ARHGAP27: variants seen among roughly 807,000 people sequenced by gnomAD.
ARHGAP27 encodes the protein Rho GTPase activating protein 27.
Under a neutral mutation model 102.0 loss-of-function variants are expected in ARHGAP27, and 53 were observed. The observed-to-expected ratio is 0.52, with a 90% CI of 0.42 to 0.65. The LOEUF is 0.65. ARHGAP27 is among the 30% of genes least tolerant of loss of function. The pLI is 0.00. For missense variants in ARHGAP27, 1,117 were observed against 1,256.2 expected (o/e 0.89, Z 1.68); for synonymous variants, 525 against 542.8 (o/e 0.97, Z 0.46).
intron 2 of ARHGAP27, among the ~76,000 whole-genome samples, 196 bp from the exon 3 acceptor site, chr17:45,431,948 C>T (rs1174491887): frequency 1.3e-5 from 2 of 152,122 alleles, no homozygotes; most frequent in Non-Finnish European, 1.5e-5. Context: ...ACTGGCAGGT[C>T]GCGAGCGGAG....
rs73307520 is a variant in ARHGAP27, at chr17:45,431,671, C to A, written c.-69G>T. The A allele has an allele frequency of 0.031, 5,475 of 175,012 alleles. 340 individuals carry two copies. Among genetic ancestry groups the A allele is most frequent in the African/African-American group, 0.13 (5,234 of 41,666 alleles). 10.8% of individuals were successfully genotyped at this position (175,012 alleles called of 1,614,324 possible). ...CCATGGGCTGGGTGGGCGGAGCCGG[C>A]GGTGGCTGCAGGTTAGGCCCCTACC... On this transcript the variant is annotated 5_prime_UTR_variant, in exon 3 of 20. Transcript: ENST00000685559.
Position 45,395,258 on chromosome 17 carries a change from T to G in ARHGAP27, c.*198A>C. On this transcript the variant is annotated 3_prime_UTR_variant, in exon 20 of 20. Transcript: ENST00000685559. ...CGGGAAGGGAAGGGGGGATGGGGAG[T>G]TGGGAAGAAGGAATCACATTTTGCA... 3 of 621,504 alleles carry G rather than the reference T, an allele frequency of 4.8e-6. No individual in the cohort carries two copies. The highest frequency in any genetic ancestry group is 2.2e-5 in the South Asian group (1 of 44,496). 38.5% of individuals were successfully genotyped at this position (621,504 alleles called of 1,614,324 possible).
intron 4 of ARHGAP27, among the ~76,000 whole-genome samples, chr17:45,406,977 A>G (rs1170436614): frequency 3.9e-5 from 6 of 152,298 alleles, no homozygotes; most frequent in Middle Eastern, 3.4e-3. Flanking sequence ...ACTCCACCCC[A>G]AAGGAGAGTG....
In ARHGAP27 at chr17:45,415,308, G is replaced by C. The variant is rs1382068755; in HGVS notation, c.658-9225C>G. Among the ~76,000 whole-genome samples, 4 of 152,018 alleles carry C rather than the reference G, an allele frequency of 2.6e-5. No individual in the cohort carries two copies. In the East Asian group the frequency reaches 5.8e-4, roughly 22 times the overall value. On this transcript the variant is annotated intron_variant, in intron 4 of 19. Transcript: ENST00000685559. ...TCCTTCTTGGGCTTCCTCAGGCCAG[G>C]CCTCCTAGTTTTCCTTCTTTTTCTT...
At chr17:45,396,428 T>A in intron 16 of ARHGAP27, 59 bp downstream of exon 16, 1 of 1,476,358 alleles carries the variant, frequency 6.8e-7, no homozygotes, top group Non-Finnish European at 9.0e-7. Context: ...CCTGCGGTCC[T>A]GGCAGGAGGC....
intron 4 of ARHGAP27, among the ~76,000 whole-genome samples, chr17:45,418,849 G>A (rs539515169): frequency 2.5e-4 from 38 of 152,294 alleles, no homozygotes; most frequent in African/African-American, 8.9e-4. Flanking sequence ...GGCCAAACAG[G>A]TGGGCCAGGT....
Position 45,394,723 on chromosome 17 carries a change from C to A in ARHGAP27, c.*733G>T. ...CACTGCTGCTGCAGGCCTCAGCGTC[C>A]TTGTCTGTAAAATGGGATGGTGTGT... is the stretch of plus-strand genomic sequence containing the variant. On this transcript the variant is annotated 3_prime_UTR_variant, in exon 20 of 20. Transcript: ENST00000685559. 6.6e-6 allele frequency: 1 copy of A among 152,454 alleles called. No individual in the cohort carries two copies. Among genetic ancestry groups the A allele is most frequent in the Non-Finnish European group, 1.5e-5 (1 of 68,120 alleles). 9.4% of individuals were successfully genotyped at this position (152,454 alleles called of 1,614,324 possible).
intron 4 of ARHGAP27, among the ~76,000 whole-genome samples, chr17:45,423,853 TAAATG>T (rs1439630185): frequency 3.9e-5 from 6 of 152,266 alleles, no homozygotes; most frequent in Admixed American, 2.6e-4. Context: ...GAAGGCAGAA[TAAATG>T]GGAAGAAACC....
Position 45,404,669 on chromosome 17 carries a change from C to G in ARHGAP27, c.1261G>C (p.Glu421Gln). 6.2e-7 allele frequency: 1 copy of G among 1,611,500 alleles called. No homozygotes were observed. Residue 421 changes from glutamate (E) to glutamine (Q), a missense_variant, in exon 7 of 20, where the codon GAG becomes CAG. Physicochemically the swap from Glu to Gln is conservative, Grantham distance 29 (BLOSUM62 2). Around this residue, in one of 3 missense-constraint regions of ARHGAP27, gnomAD observed 610 missense variants for 716.4 expected, o/e 0.85. Transcript: ENST00000685559. ...AAGTATGGCTTCCCGTGGGGGTCCT[C>G]CAGCCTCACCCACTGTGGGGAGAGG... Reference protein sequence around the residue: ...HFTQEQWVRLEDPHGKPYFYN... With the variant: ...HFTQEQWVRLQDPHGKPYFYN...
intron 12 of ARHGAP27, among the ~76,000 whole-genome samples, chr17:45,402,076 T>C (rs2046503097): frequency 6.6e-6 from 1 of 152,192 alleles, no homozygotes; most frequent in Non-Finnish European, 1.5e-5. Context: ...GGGTCTTCTC[T>C]CCCTTCCTGC....
rs1250233863 is a variant in ARHGAP27 at position 45,430,201 on chromosome 17, C to G, written c.79G>C (p.Val27Leu). ...FEYTGKDGRRVAIRPNERYRL... is the reference protein window; with the variant it reads ...FEYTGKDGRRLAIRPNERYRL... ...TAGCGCTCATTCGGCCGGATGGCCA[C>G]GCGGCGCCCGTCCTTGCCGGTGTAC... The change falls in exon 4 of 20, where the codon GTG becomes CTG. Residue 27 changes from valine to leucine, a missense_variant. Coordinates refer to ENST00000685559, the MANE Select transcript of ARHGAP27 (RefSeq NM_001282290.2). This position sits in a 1 kb window ranked among gnomAD's most constrained non-coding sequence, Gnocchi z 4.4. The G allele has an allele frequency of 5.2e-6, 8 of 1,552,718 alleles. No individual in the cohort carries two copies. The highest frequency in any genetic ancestry group is 1.8e-4 in the Middle Eastern group (1 of 5,688).
At chr17:45,407,537 T>C (rs1808189) in intron 4 of ARHGAP27, 25,749 of 148,186 alleles carry the variant, frequency 0.17, 2,600 homozygotes, top group African/African-American at 0.23. Context: ...TTTTTTGAGA[T>C]GGAGTCTCGC....
chr17:45,425,716 G>A, intron 4 of ARHGAP27: 1 of 922,204 alleles, frequency 1.1e-6, no homozygotes, highest in Non-Finnish European at 1.3e-6. Context: ...CCAGCAGCAG[G>A]GGCGGGCTCC....
At chr17:45,396,830 C>A (rs773816294) in intron 14 of ARHGAP27, 40 bp from the exon 15 acceptor site, 1 of 1,606,816 alleles carries the variant, frequency 6.2e-7, no homozygotes, top group Admixed American at 1.7e-5. Flanking sequence ...GGAGGCAGCG[C>A]CAGGGCAGGC....
chr17:45,398,904 C>A (rs1460707264), intron 12 of ARHGAP27, among the ~76,000 whole-genome samples: 1 of 152,124 alleles, frequency 6.6e-6, no homozygotes, highest in Non-Finnish European at 1.5e-5. Context: ...GACTCAGAAA[C>A]GTTGTCCCAC....
intron 4 of ARHGAP27, chr17:45,408,931 T>C (rs1248162318): frequency 1.3e-5 from 2 of 152,216 alleles, no homozygotes; most frequent in African/African-American, 4.8e-5. Context: ...GCTGATTCCA[T>C]TTGCCCCCCA....
In ARHGAP27 at chr17:45,405,891, C is replaced by A. The variant is rs1354964539; in HGVS notation, c.850G>T (p.Gly284Cys). 2.0e-6 allele frequency: 3 copies of A among 1,535,934 alleles called. No individual in the cohort carries two copies. Among genetic ancestry groups the A allele is most frequent in the Non-Finnish European group, 2.6e-6 (3 of 1,146,796 alleles). Residue 284 changes from glycine (G) to cysteine (C), a missense_variant, in exon 5 of 20, where the codon GGT (glycine) becomes TGT (cysteine). By Grantham distance (159) the Gly-to-Cys change is radical. This residue lies in a region of ARHGAP27 where 610 missense variants were observed against 716.4 expected (regional missense o/e 0.85). Coordinates refer to ENST00000685559, the MANE Select transcript of ARHGAP27 (RefSeq NM_001282290.2). ...GGGGAGGTGGCTGGGCTGGCGGCACCCTCGGCAGCCTCAAAGGGCGACTCC... is the reference window on the plus strand; with the variant it reads ...GGGGAGGTGGCTGGGCTGGCGGCACACTCGGCAGCCTCAAAGGGCGACTCC... ...TWESPFEAAE[G>C]AASPATSPAS... is the part of the protein sequence containing the mutation.
At position 45,395,073 on chromosome 17, in the gene ARHGAP27, G is replaced by A. The variant is rs1188419495; in HGVS notation, c.*383C>T. The A allele has an allele frequency of 3.7e-5, 10 of 266,732 alleles. No individual in the cohort carries two copies. The highest frequency in any genetic ancestry group is 7.2e-5 in the Non-Finnish European group (10 of 138,548). 16.5% of individuals were successfully genotyped at this position (266,732 alleles called of 1,614,324 possible). ...GGGTCTCTGTGAAGGCCTCCACGAG[G>A]TGAGGGCCAGAAGCAGCCAGGAAGC... On this transcript the variant is annotated 3_prime_UTR_variant, in exon 20 of 20. Transcript: ENST00000685559.
In ARHGAP27 at chr17:45,429,821, G is replaced by C. The variant is rs1466865440; in HGVS notation, c.459C>G (p.Pro153=). 3 of 1,427,000 alleles carry C rather than the reference G, an allele frequency of 2.1e-6. No individual in the cohort carries two copies. The allele number at this position is 1,427,000 out of a possible 1,614,324, so 88.4% of individuals were successfully genotyped here. A position where few individuals can be genotyped will look rare whatever the true frequency, so the allele number is the denominator to read the frequency against. ...LYLRPAAPVR[P]AQSLNDLACA... ...AGGCCAGGTCGTTCAGGGACTGCGC[G>C]GGCCGCACGGGCGCCGCGGGCCGCA... The change falls in exon 4 of 20, where the codon CCC becomes CCG. Residue 153 remains proline (P), a synonymous_variant. Transcript: ENST00000685559.
Sources: gnomAD v4.1 joint callset for allele counts (sites outside exome capture counted in the v4.1 genomes callset) on GRCh38, gnomAD v4.1.1 for gene constraint, gnomAD v4.1.1 regional missense constraint, Gnocchi (gnomAD v3.1) non-coding constraint, MANE v1.5 for transcripts, NCBI Gene and HGNC (gene_info 2026-07-23, HGNC 2026-07-21) for gene names.